Variants in DNAJC5B observed in about 807,000 individuals in gnomAD.
DNAJC5B encodes DnaJ heat shock protein family (Hsp40) member C5 beta.
In DNAJC5B, 23 loss-of-function variants were observed where a neutral mutation model predicts 24.7. That is an observed-to-expected ratio of 0.93 (90% CI 0.67 to 1.32). DNAJC5B has a LOEUF of 1.32. Ranked by LOEUF, DNAJC5B falls within the 40% of genes most tolerant of loss-of-function variation. The pLI is 0.00. For missense variants in DNAJC5B, 238 were observed against 240.8 expected (o/e 0.99, Z 0.08); for synonymous variants, 101 against 90.1 (o/e 1.12, Z -0.68).
At chr8:66,057,134 CT>C (rs1806983395) in intron 3 of DNAJC5B, 1 of 151,812 alleles carries the variant, frequency 6.6e-6, no homozygotes, top group African/African-American at 2.4e-5. Context: ...GCAAGACTGT[CT>C]CAAAAAATAA....
chr8:66,088,508 T>C (rs1045643951), intron 5 of DNAJC5B, among the ~76,000 whole-genome samples: 30 of 152,342 alleles, frequency 2.0e-4, no homozygotes, highest in Non-Finnish European at 5.9e-5. Context: ...TTTTCTTTTC[T>C]ACCATATAGT....
At chr8:66,062,806 G>A (rs1339653668) in intron 3 of DNAJC5B, among the ~76,000 whole-genome samples, 2 of 152,118 alleles carry the variant, frequency 1.3e-5, no homozygotes, top group East Asian at 1.9e-4. Context: ...CAGCCTGGGT[G>A]ACAGAGCGAG....
intron 3 of DNAJC5B, among the ~76,000 whole-genome samples, chr8:66,071,046 T>G (rs533501919): frequency 6.6e-6 from 1 of 152,092 alleles, no homozygotes; most frequent in East Asian, 1.9e-4. Context: ...TATACAAAAA[T>G]CAACTCAAGA....
chr8:66,067,193 C>T (rs1416206993), intron 3 of DNAJC5B, among the ~76,000 whole-genome samples: 3 of 115,812 alleles, frequency 2.6e-5, no homozygotes, highest in African/African-American at 9.4e-5. Context: ...CCCTCCCCCA[C>T]TTCCCACCGC....
Position 66,076,865 on chromosome 8 carries a change from T to C in DNAJC5B, c.325T>C (p.Trp109Arg). 6.2e-7 allele frequency: 1 copy of C among 1,614,076 alleles called. No individual in the cohort carries two copies. Among genetic ancestry groups the C allele is most frequent in the Non-Finnish European group, 8.5e-7 (1 of 1,179,968 alleles). The change falls in exon 4 of 6, where the codon TGG (tryptophan) becomes CGG (arginine). Residue 109 changes from tryptophan to arginine, a missense_variant. By Grantham distance (101) the Trp-to-Arg change is moderately radical. Coordinates refer to ENST00000276570, the MANE Select transcript of DNAJC5B (RefSeq NM_033105.6). ...VNTYFMLSSW[W>R]AKALFVIVGL... The stretch of plus-strand genomic sequence containing the variant: ...CACCTACTTCATGCTGTCGAGCTGG[T>C]GGGCAAAGGTGAAACTGAATTTCCT...
intron 5 of DNAJC5B, among the ~76,000 whole-genome samples, chr8:66,094,818 G>A (rs1008520837): frequency 6.6e-6 from 1 of 151,938 alleles, no homozygotes; most frequent in South Asian, 2.1e-4. Flanking sequence ...ATTTGATCAC[G>A]GATGTAAAAT....
At chr8:66,094,275 T>C (rs1807905494) in intron 5 of DNAJC5B, among the ~76,000 whole-genome samples, 1 of 152,128 alleles carries the variant, frequency 6.6e-6, no homozygotes, top group African/African-American at 2.4e-5. Context: ...ACAGGTAGAA[T>C]TGACACCTTT....
At chr8:66,057,063 T>G (rs1806980305) in intron 3 of DNAJC5B, 1 of 152,044 alleles carries the variant, frequency 6.6e-6, no homozygotes, top group Non-Finnish European at 1.5e-5. Flanking sequence ...GGCGTGAACC[T>G]GGGAGGCGGA....
chr8:66,031,170 C>T (rs1197741855), intron 1 of DNAJC5B, among the ~76,000 whole-genome samples: 1 of 152,116 alleles, frequency 6.6e-6, no homozygotes, highest in African/African-American at 2.4e-5. Flanking sequence ...TTTTAAAGAA[C>T]TATACAAATA....
Position 66,083,098 on chromosome 8 carries a change from G to A in DNAJC5B, c.505+2550G>A, listed in dbSNP as rs558365614. 6.1e-3 allele frequency among the ~76,000 whole-genome samples: 818 copies of A among 133,656 alleles called. 16 individuals are homozygous for A. Among genetic ancestry groups the A allele is most frequent in the African/African-American group, 0.022 (781 of 34,742 alleles). 87.7% of individuals were successfully genotyped at this position (133,656 alleles called of 152,430 possible). ...ACGATCTCGGCTCACTGCAACCGCC[G>A]CCTCCCGGGTTCAAGCAATTCTCCT... is the stretch of plus-strand genomic sequence containing the variant. On this transcript the variant is annotated intron_variant, in intron 5 of 5. Coordinates refer to ENST00000276570, the MANE Select transcript of DNAJC5B (RefSeq NM_033105.6).
chr8:66,035,242 A>G (rs1185506753), intron 1 of DNAJC5B, among the ~76,000 whole-genome samples: 3 of 152,224 alleles, frequency 2.0e-5, no homozygotes, highest in Admixed American at 1.3e-4. Flanking sequence ...ACCACTGCCT[A>G]GGCATAAATA....
chr8:66,093,236 G>T (rs1807883778), intron 5 of DNAJC5B, among the ~76,000 whole-genome samples: 1 of 152,172 alleles, frequency 6.6e-6, no homozygotes, highest in Non-Finnish European at 1.5e-5. Context: ...ATGAATGCTA[G>T]AGTTTTTCTA....
Position 66,021,631 on chromosome 8 carries a change from G to A in DNAJC5B, c.-216G>A, listed in dbSNP as rs1232732303. On this transcript the variant is annotated 5_prime_UTR_variant, in exon 1 of 6. Transcript: ENST00000276570. The stretch of plus-strand genomic sequence containing the variant: ...AAGGGATCAGCCAGCCATGCCTCCA[G>A]TTCAGGTACTTGGCATTGCTAAGCT... 1 of 152,344 alleles carries A rather than the reference G, an allele frequency of 6.6e-6. No individual in the cohort carries two copies. Among genetic ancestry groups the A allele is most frequent in the Non-Finnish European group, 1.5e-5 (1 of 68,128 alleles). 9.4% of individuals were successfully genotyped at this position (152,344 alleles called of 1,614,324 possible).
intron 5 of DNAJC5B, among the ~76,000 whole-genome samples, chr8:66,097,350 G>A (rs775955416): frequency 6.6e-6 from 1 of 151,740 alleles, no homozygotes; most frequent in Non-Finnish European, 1.5e-5. Context: ...AAAGTTTAAA[G>A]TCAATTCTTA....
At chr8:66,062,597 G>C (rs1807107493) in intron 3 of DNAJC5B, among the ~76,000 whole-genome samples, 1 of 152,194 alleles carries the variant, frequency 6.6e-6, no homozygotes, top group Non-Finnish European at 1.5e-5. Context: ...TTGGGTGCAA[G>C]AGCCTAACAA....
upstream of DNAJC5B, among the ~76,000 whole-genome samples, chr8:66,019,045 G>C (rs1423964140): frequency 6.6e-6 from 1 of 152,182 alleles, no homozygotes; most frequent in African/African-American, 2.4e-5. Flanking sequence ...GTGTGCACCT[G>C]TTTCAACACA....
At chr8:66,040,371 AGAGT>A (rs1563589788) in intron 1 of DNAJC5B, among the ~76,000 whole-genome samples, 2 of 147,650 alleles carry the variant, frequency 1.4e-5, no homozygotes, top group East Asian at 3.9e-4. Context: ...GCTTGGCAAC[AGAGT>A]GAGACTCCAT....
At chr8:66,048,657 C>A (rs982561756) in intron 2 of DNAJC5B, among the ~76,000 whole-genome samples, 1 of 152,124 alleles carries the variant, frequency 6.6e-6, no homozygotes, top group Admixed American at 6.6e-5. Context: ...AGTCCTAATT[C>A]ATGTTGATAT....
chr8:66,095,504 A>G (rs1807931566), intron 5 of DNAJC5B, among the ~76,000 whole-genome samples: 1 of 150,642 alleles, frequency 6.6e-6, no homozygotes, highest in African/African-American at 2.4e-5. Context: ...GTTTCTACTT[A>G]ATTTCTTTCT....
Sources: allele counts gnomAD v4.1 joint callset (sites outside exome capture counted in the v4.1 genomes callset), GRCh38; gene constraint gnomAD v4.1.1; transcripts MANE v1.5; gene names NCBI Gene and HGNC (gene_info 2026-07-23, HGNC 2026-07-21).